The following ATP8A2 variants were observed in gnomAD, a reference collection of about 807,000 sequenced individuals.
The protein encoded by ATP8A2 is phospholipid-transporting ATPase IB.
Under a neutral mutation model 165.6 loss-of-function variants are expected in ATP8A2, and 100 were observed. The observed-to-expected ratio is 0.60, with a 90% CI of 0.51 to 0.71. The LOEUF is 0.71. ATP8A2 is among the 30% of genes least tolerant of loss of function. The pLI, the probability that ATP8A2 is intolerant of heterozygous loss-of-function variation, is 0.00. For missense variants in ATP8A2, 1,227 were observed against 1,479.5 expected, an observed-to-expected ratio of 0.83 and a Z score of 2.80; for synonymous variants, 543 against 548.8, an observed-to-expected ratio of 0.99 and a Z score of 0.15.
intron 33 of ATP8A2, among the ~76,000 whole-genome samples, chr13:25,930,660 C>T (rs1441310342): frequency 2.6e-5 from 4 of 152,186 alleles, no homozygotes; most frequent in Admixed American, 1.3e-4. Flanking sequence ...GATGAGGAAC[C>T]TTATGTGGTT....
intron 1 of ATP8A2, among the ~76,000 whole-genome samples, chr13:25,388,494 G>A (rs903726849): frequency 2.0e-5 from 3 of 152,338 alleles, no homozygotes; most frequent in East Asian, 3.9e-4. Context: ...TGAGAGGACC[G>A]TGATCGATTG....
chr13:25,909,666 A>G (rs1208881915), intron 33 of ATP8A2, among the ~76,000 whole-genome samples: 2 of 152,210 alleles, frequency 1.3e-5, no homozygotes, highest in Non-Finnish European at 2.9e-5. Context: ...CATTTTAACC[A>G]TTTTTAAGTG....
intron 24 of ATP8A2, among the ~76,000 whole-genome samples, chr13:25,609,541 AAATATATATATATATATTTGGATTCAAAT>A (rs2040609070): frequency 6.8e-6 from 1 of 147,976 alleles, no homozygotes; most frequent in Admixed American, 6.8e-5. Context: ...TTTGGGATTC[AAATATATATATATATATTTGGATTCAAAT>A]ATATATATAT....
At chr13:25,754,418 ATT>A (rs35661717) in intron 25 of ATP8A2, among the ~76,000 whole-genome samples, 16 of 147,940 alleles carry the variant, frequency 1.1e-4, no homozygotes, top group South Asian at 2.1e-4. Flanking sequence ...AAAGTATGCG[ATT>A]TTTTTTTTTT....
At chr13:25,392,365 G>A (rs2033278919) in intron 1 of ATP8A2, among the ~76,000 whole-genome samples, 1 of 152,130 alleles carries the variant, frequency 6.6e-6, no homozygotes, top group Non-Finnish European at 1.5e-5. Flanking sequence ...TCATAGATTG[G>A]CCTTCTTCCT....
intron 30 of ATP8A2, among the ~76,000 whole-genome samples, chr13:25,859,270 A>G (rs1952269970): frequency 2.6e-5 from 4 of 152,150 alleles, no homozygotes; most frequent in African/African-American, 7.2e-5. Context: ...TATGCTTACT[A>G]CCTGGGTGTC....
intron 1 of ATP8A2, among the ~76,000 whole-genome samples, chr13:25,449,472 CTTG>C (rs2035154870): frequency 6.6e-6 from 1 of 152,126 alleles, no homozygotes; most frequent in Admixed American, 6.5e-5. Flanking sequence ...TGTGCTGAGA[CTTG>C]TTGTATGCTA....
rs138138983 is a variant in ATP8A2, at chr13:25,682,581, C to T, written c.2212-16592C>T. 3.8e-3 allele frequency among the ~76,000 whole-genome samples: 586 copies of T among 152,278 alleles called. 4 individuals carry two copies. The highest frequency in any genetic ancestry group is 0.011 in the African/African-American group (464 of 41,548). Reference sequence around the variant, plus strand: ...TGACTCTCTGGAAGGCTTCTCTGCTCGCTTTCTCCAGAAAGCCGTTATTTG... The same window carrying T: ...TGACTCTCTGGAAGGCTTCTCTGCTTGCTTTCTCCAGAAAGCCGTTATTTG... On this transcript the variant is annotated intron_variant, in intron 24 of 36. Coordinates refer to ENST00000381655, the MANE Select transcript of ATP8A2 (RefSeq NM_016529.6).
At chr13:25,388,108 G>T (rs891153498) in intron 1 of ATP8A2, among the ~76,000 whole-genome samples, 1 of 151,984 alleles carries the variant, frequency 6.6e-6, no homozygotes, top group Admixed American at 6.6e-5. Flanking sequence ...TTATTTTTAT[G>T]GTGAGGGCTG....
At chr13:25,808,831 T>C (rs1205304238) in intron 27 of ATP8A2, among the ~76,000 whole-genome samples, 1 of 152,132 alleles carries the variant, frequency 6.6e-6, no homozygotes, top group Non-Finnish European at 1.5e-5. Context: ...ACCCATGTCT[T>C]AACTTTTACA....
rs539857536 is a variant in ATP8A2 at position 25,494,398 on chromosome 13, C to T, written c.221+25277C>T. 1.6e-4 allele frequency among the ~76,000 whole-genome samples: 24 copies of T among 152,210 alleles called. No homozygotes were observed. The South Asian group carries it at 5.0e-3, about 32-fold the overall frequency. On this transcript the variant is annotated intron_variant, in intron 2 of 36. Coordinates refer to ENST00000381655, the MANE Select transcript of ATP8A2 (RefSeq NM_016529.6). ...TGACCTTTCTGCCACTGCAGAGACTCCTGCTGCCAATATTGAAACAATCAT... is the reference window on the plus strand; with the variant it reads ...TGACCTTTCTGCCACTGCAGAGACTTCTGCTGCCAATATTGAAACAATCAT...
chr13:25,924,165 G>A (rs1373105188), intron 33 of ATP8A2, among the ~76,000 whole-genome samples: 2 of 152,118 alleles, frequency 1.3e-5, no homozygotes, highest in Non-Finnish European at 2.9e-5. Context: ...GTCACTAAAG[G>A]CTTAACAAGA....
intron 2 of ATP8A2, among the ~76,000 whole-genome samples, chr13:25,513,704 C>T (rs1218370182): frequency 2.6e-5 from 4 of 152,138 alleles, no homozygotes; most frequent in Non-Finnish European, 4.4e-5. Flanking sequence ...TCTGCAATCC[C>T]GGCACCTCGG....
At chr13:25,573,464 TA>T (rs2039525719) in intron 18 of ATP8A2, among the ~76,000 whole-genome samples, 1 of 152,136 alleles carries the variant, frequency 6.6e-6, no homozygotes, top group Admixed American at 6.5e-5. Context: ...ATAACAGTAA[TA>T]AAAAGAATCC....
intron 1 of ATP8A2, among the ~76,000 whole-genome samples, chr13:25,429,813 C>G (rs150631231): frequency 6.6e-6 from 1 of 152,062 alleles, no homozygotes. Context: ...GGGCAGGGAG[C>G]GCTCTCCAGG....
chr13:25,779,126 A>G (rs1442158658), intron 27 of ATP8A2, among the ~76,000 whole-genome samples: 1 of 152,114 alleles, frequency 6.6e-6, no homozygotes, highest in Non-Finnish European at 1.5e-5. Context: ...GCTAAAAAAA[A>G]AAAAAGAGAA....
intron 1 of ATP8A2, among the ~76,000 whole-genome samples, chr13:25,396,546 G>A (rs151294155): frequency 6.6e-6 from 1 of 152,272 alleles, no homozygotes; most frequent in Non-Finnish European, 1.5e-5. Context: ...CTCAGTCCCA[G>A]CCGGCTTCTG....
At chr13:25,790,859 A>G (rs1255437137) in intron 27 of ATP8A2, among the ~76,000 whole-genome samples, 3 of 152,204 alleles carry the variant, frequency 2.0e-5, no homozygotes, top group African/African-American at 7.2e-5. Flanking sequence ...CAGAATGGCT[A>G]TTATTAAAAA....
In ATP8A2 at chr13:25,892,514, G is replaced by A. The variant is rs575346095; in HGVS notation, c.3183+30106G>A. 5.1e-5 allele frequency among the ~76,000 whole-genome samples: 6 copies of A among 117,540 alleles called. No individual in the cohort carries two copies. The South Asian group carries it at 1.5e-3, about 29-fold the overall frequency. 77.1% of individuals were successfully genotyped at this position (117,540 alleles called of 152,430 possible). On this transcript the variant is annotated intron_variant, in intron 33 of 36. Transcript: ENST00000381655. ...TCTCTCTCTCTCTCTCCTTCCACCT[G>A]TGTTATGCAGATGTACTGGGAATGA...
Sources: gnomAD v4.1 joint callset for allele counts (sites outside exome capture counted in the v4.1 genomes callset) on GRCh38, gnomAD v4.1.1 for gene constraint, MANE v1.5 for transcripts, NCBI Gene and HGNC (gene_info 2026-07-23, HGNC 2026-07-21) for gene names.